NDUFS4: variants seen among roughly 807,000 people sequenced by gnomAD.
NDUFS4 encodes the protein NADH dehydrogenase [ubiquinone] iron-sulfur protein 4, mitochondrial.
NDUFS4 carries 28 observed loss-of-function variants against 24.3 expected under a neutral mutation model. The observed-to-expected ratio is 1.15, with a 90% confidence interval of 0.85 to 1.58. The LOEUF (loss-of-function observed/expected upper bound fraction) is 1.58, where lower values mean the gene tolerates loss of function less well. Among genes scored for constraint, NDUFS4 ranks in the 40% most tolerant of loss-of-function variants. NDUFS4 has a pLI of 0.00. For missense variants in NDUFS4, 223 were observed against 207.9 expected (o/e 1.07, Z -0.45); for synonymous variants, 93 against 69.7 (o/e 1.34, Z -1.67).
intron 2 of NDUFS4, among the ~76,000 whole-genome samples, chr5:53,626,659 G>A (rs1196784052): frequency 6.6e-6 from 1 of 152,106 alleles, no homozygotes; most frequent in Non-Finnish European, 1.5e-5. Context: ...TCATAAGTTT[G>A]TTGGCTGCAT....
chr5:53,647,522 A>G (rs1007716755), intron 3 of NDUFS4, among the ~76,000 whole-genome samples: 2 of 152,164 alleles, frequency 1.3e-5, no homozygotes, highest in Non-Finnish European at 2.9e-5. Flanking sequence ...TGGCCATTAA[A>G]TTGCTTTTTA....
At chr5:53,625,671 T>A (rs1462612717) in intron 2 of NDUFS4, among the ~76,000 whole-genome samples, 1 of 152,214 alleles carries the variant, frequency 6.6e-6, no homozygotes, top group Admixed American at 6.5e-5. Context: ...TTAGATACTA[T>A]ATTTTTCAGC....
chr5:53,567,485 G>A (rs1749070387), intron 1 of NDUFS4, among the ~76,000 whole-genome samples: 1 of 151,930 alleles, frequency 6.6e-6, no homozygotes, highest in Non-Finnish European at 1.5e-5. Flanking sequence ...AATTATTTTT[G>A]GTAAGGGACT....
At chr5:53,621,415 T>C (rs928717845) in intron 2 of NDUFS4, among the ~76,000 whole-genome samples, 6 of 152,094 alleles carry the variant, frequency 3.9e-5, no homozygotes, top group African/African-American at 1.2e-4. Flanking sequence ...ATGTGCAAAA[T>C]ATTTATTGAT....
intron 2 of NDUFS4, among the ~76,000 whole-genome samples, chr5:53,627,572 A>G (rs1468474957): frequency 6.6e-6 from 1 of 152,042 alleles, no homozygotes; most frequent in African/African-American, 2.4e-5. Flanking sequence ...AGTGGTTTGT[A>G]GTTCTCCTTG....
intron 1 of NDUFS4, among the ~76,000 whole-genome samples, chr5:53,565,129 T>G (rs1193632105): frequency 6.6e-6 from 1 of 152,246 alleles, no homozygotes; most frequent in African/African-American, 2.4e-5. Context: ...ATATTCCTTT[T>G]CCCTCTGATG....
At chr5:53,650,850 T>C (rs879376672) in intron 3 of NDUFS4, among the ~76,000 whole-genome samples, 5 of 152,242 alleles carry the variant, frequency 3.3e-5, no homozygotes, top group Non-Finnish European at 7.3e-5. Context: ...ATCATTATTA[T>C]AGTATTGCTT....
intron 1 of NDUFS4, among the ~76,000 whole-genome samples, chr5:53,592,960 TAAG>T (rs924416470): frequency 1.3e-5 from 2 of 152,174 alleles, no homozygotes; most frequent in Non-Finnish European, 2.9e-5. Flanking sequence ...TAATATCTGT[TAAG>T]AATTTTTGCA....
chr5:53,593,012 C>T (rs2112444181), intron 1 of NDUFS4, among the ~76,000 whole-genome samples: 1 of 152,180 alleles, frequency 6.6e-6, no homozygotes. Context: ...GTTTTCCTTT[C>T]CTGTAATGCC....
At chr5:53,617,952 T>G (rs1750898899) in intron 2 of NDUFS4, among the ~76,000 whole-genome samples, 1 of 152,150 alleles carries the variant, frequency 6.6e-6, no homozygotes, top group African/African-American at 2.4e-5. Context: ...TTTATATTTG[T>G]TTTGAAAGTT....
At chr5:53,665,778 T>G (rs1247662039) in intron 4 of NDUFS4, among the ~76,000 whole-genome samples, 1 of 152,234 alleles carries the variant, frequency 6.6e-6, no homozygotes, top group Non-Finnish European at 1.5e-5. Flanking sequence ...GCTTCCTGGG[T>G]GAGGCGATGC....
intron 2 of NDUFS4, among the ~76,000 whole-genome samples, chr5:53,608,709 C>T (rs1407382747): frequency 6.6e-6 from 1 of 152,192 alleles, no homozygotes; most frequent in African/African-American, 2.4e-5. Context: ...GCAGTGACTT[C>T]CTCCACTAAA....
At chr5:53,631,016 T>C (rs1046266798) in intron 2 of NDUFS4, among the ~76,000 whole-genome samples, 8 of 152,100 alleles carry the variant, frequency 5.3e-5, no homozygotes, top group African/African-American at 1.7e-4. Flanking sequence ...ACCTTTGTGG[T>C]TTTTTCTACC....
rs772150112 is a variant in NDUFS4, at chr5:53,683,127, A to ATGACAT, written c.438_443dup (p.Asp146_Ile147dup). On this transcript the variant is annotated inframe_insertion, in exon 5 of 5. Transcript: ENST00000296684. ...TGTTTTTTCCTCCTAGGATGGAGCT[A>ATGACAT]TGACATTGAAGAGAGGAAGGTTCCA... 8.2e-5 allele frequency: 132 copies of ATGACAT among 1,600,094 alleles called. No individual in the cohort carries two copies. The highest frequency in any genetic ancestry group is 1.1e-4 in the Non-Finnish European group (126 of 1,167,678).
chr5:53,570,936 G>T (rs566748915), intron 1 of NDUFS4, among the ~76,000 whole-genome samples: 1 of 151,780 alleles, frequency 6.6e-6, no homozygotes. Flanking sequence ...TGCCTGCCTC[G>T]GCCTCCCAAA....
intron 1 of NDUFS4, among the ~76,000 whole-genome samples, chr5:53,583,155 G>T (rs1749628404): frequency 6.6e-6 from 1 of 152,092 alleles, no homozygotes; most frequent in South Asian, 2.1e-4. Flanking sequence ...GGGATTGCAG[G>T]TGTGAGCCAC....
At chr5:53,674,828 T>G (rs1740403663) in intron 4 of NDUFS4, among the ~76,000 whole-genome samples, 1 of 152,228 alleles carries the variant, frequency 6.6e-6, no homozygotes, top group Middle Eastern at 3.4e-3. Flanking sequence ...TCAGTAAACA[T>G]GTATAATTAA....
chr5:53,568,153 A>T (rs1270409481), intron 1 of NDUFS4, among the ~76,000 whole-genome samples: 2 of 152,260 alleles, frequency 1.3e-5, no homozygotes, highest in South Asian at 4.1e-4. Context: ...AGAACTAGTT[A>T]GTTGCTCAAA....
chr5:53,648,046 T>C (rs958916207), intron 3 of NDUFS4, among the ~76,000 whole-genome samples: 2 of 152,218 alleles, frequency 1.3e-5, no homozygotes, highest in African/African-American at 4.8e-5. Flanking sequence ...AGATTAGTTA[T>C]AATTCAGTGT....
Sources: allele counts gnomAD v4.1 joint callset (sites outside exome capture counted in the v4.1 genomes callset), GRCh38; gene constraint gnomAD v4.1.1; transcripts MANE v1.5; gene names NCBI Gene and HGNC (gene_info 2026-07-23, HGNC 2026-07-21).